TAFA1: variants seen among roughly 807,000 people sequenced by gnomAD.
TAFA1 encodes the protein TAFA chemokine like family member 1, also known as chemokine-like protein TAFA-1.
Under a neutral mutation model 18.5 loss-of-function variants are expected in TAFA1, and 4 were observed. That is an observed-to-expected ratio of 0.22 (90% CI 0.11 to 0.49). The LOEUF (loss-of-function observed/expected upper bound fraction) is 0.49, where lower values mean the gene tolerates loss of function less well. Ranked by LOEUF, TAFA1 falls within the 20% of genes least tolerant of loss-of-function variation. TAFA1 has a pLI of 0.98. For missense variants in TAFA1, 147 were observed against 169.0 expected (o/e 0.87, Z 0.72); for synonymous variants, 56 against 55.2 (o/e 1.01, Z -0.06).
chr3:68,381,510 G>C (rs1322988940), intron 2 of TAFA1, among the ~76,000 whole-genome samples: 1 of 152,116 alleles, frequency 6.6e-6, no homozygotes, highest in Non-Finnish European at 1.5e-5. Flanking sequence ...GGATTCGCAG[G>C]TATTTTATTC....
chr3:68,346,906 C>G (rs1036409684), intron 2 of TAFA1, among the ~76,000 whole-genome samples: 1 of 152,106 alleles, frequency 6.6e-6, no homozygotes, highest in Admixed American at 6.6e-5. Context: ...CTGATAGAAA[C>G]AGTATCATGA....
chr3:68,516,905 C>T (rs1389672027), intron 3 of TAFA1, among the ~76,000 whole-genome samples: 1 of 152,108 alleles, frequency 6.6e-6, no homozygotes, highest in Non-Finnish European at 1.5e-5. Flanking sequence ...TCCCGAGTAG[C>T]TGGGACTACA....
At chr3:68,317,669 A>G (rs1423814224) in intron 2 of TAFA1, among the ~76,000 whole-genome samples, 6 of 152,204 alleles carry the variant, frequency 3.9e-5, no homozygotes, top group Admixed American at 1.3e-4. Flanking sequence ...TGATTACAGG[A>G]CCAGCTACAT....
At chr3:68,478,343 G>C (rs1220327845) in intron 3 of TAFA1, among the ~76,000 whole-genome samples, 1 of 152,148 alleles carries the variant, frequency 6.6e-6, no homozygotes, top group Non-Finnish European at 1.5e-5. Flanking sequence ...CTAAATGAGA[G>C]ATCTGGAAGA....
intron 2 of TAFA1, among the ~76,000 whole-genome samples, chr3:68,050,129 A>G (rs901094192): frequency 6.6e-6 from 1 of 152,160 alleles, no homozygotes. Context: ...CTGAAACAAG[A>G]ATTCAACTAT....
intron 2 of TAFA1, among the ~76,000 whole-genome samples, chr3:68,133,744 C>G (rs2065571675): frequency 6.6e-6 from 1 of 151,918 alleles, no homozygotes; most frequent in African/African-American, 2.4e-5. Flanking sequence ...GGCAAACAAC[C>G]AAGCTGCCCT....
At chr3:68,339,545 AG>A (rs2069044534) in intron 2 of TAFA1, among the ~76,000 whole-genome samples, 2 of 152,236 alleles carry the variant, frequency 1.3e-5, no homozygotes, top group African/African-American at 4.8e-5. Flanking sequence ...GTATTGAAAA[AG>A]TTTATTAAAA....
intron 2 of TAFA1, among the ~76,000 whole-genome samples, chr3:68,180,384 G>A (rs569873542): frequency 3.9e-4 from 59 of 152,168 alleles, no homozygotes; most frequent in Non-Finnish European, 5.6e-4. Flanking sequence ...TGGGTTTTCA[G>A]ATTGTGAGCT....
intron 2 of TAFA1, among the ~76,000 whole-genome samples, chr3:68,144,610 T>C (rs545811419): frequency 1.3e-5 from 2 of 152,354 alleles, no homozygotes; most frequent in East Asian, 3.9e-4. Flanking sequence ...CATTGGCTAC[T>C]TATGTAGGGT....
chr3:68,068,885 T>C (rs2064717117), intron 2 of TAFA1, among the ~76,000 whole-genome samples: 1 of 152,220 alleles, frequency 6.6e-6, no homozygotes, highest in East Asian at 1.9e-4. Flanking sequence ...GTCCCATACA[T>C]GCATTATCTG....
chr3:68,356,712 T>C (rs1381073794), intron 2 of TAFA1, among the ~76,000 whole-genome samples: 1 of 151,944 alleles, frequency 6.6e-6, no homozygotes, highest in African/African-American at 2.4e-5. Flanking sequence ...CAAATGCAGC[T>C]TCTTTTGACT....
At chr3:68,351,204 T>C (rs889600458) in intron 2 of TAFA1, among the ~76,000 whole-genome samples, 1 of 152,126 alleles carries the variant, frequency 6.6e-6, no homozygotes, top group Non-Finnish European at 1.5e-5. Flanking sequence ...ACAGCAGCAC[T>C]AGAGCAATGG....
intron 3 of TAFA1, among the ~76,000 whole-genome samples, chr3:68,520,363 T>C (rs1463692679): frequency 6.6e-6 from 1 of 152,214 alleles, no homozygotes; most frequent in Non-Finnish European, 1.5e-5. Flanking sequence ...TTTTCTTTAG[T>C]TGCTATTTTT....
chr3:68,269,106 G>A (rs1032377), intron 2 of TAFA1, among the ~76,000 whole-genome samples: 16 of 151,894 alleles, frequency 1.1e-4, no homozygotes, highest in Non-Finnish European at 1.9e-4. Context: ...ACTGTTTGAG[G>A]CTAATTCTCC....
intron 2 of TAFA1, among the ~76,000 whole-genome samples, chr3:68,084,812 A>G (rs1190289350): frequency 1.3e-5 from 2 of 151,224 alleles, no homozygotes; most frequent in African/African-American, 4.9e-5. Context: ...AAAAAAAAAA[A>G]CCAAAAAAAC....
chr3:68,320,721 T>C (rs533163755), intron 2 of TAFA1, among the ~76,000 whole-genome samples: 2 of 152,186 alleles, frequency 1.3e-5, no homozygotes, highest in African/African-American at 2.4e-5. Flanking sequence ...AGTTTCCTGA[T>C]GAAAACCATG....
chr3:68,045,455 T>C (rs1321654094), intron 2 of TAFA1, among the ~76,000 whole-genome samples: 3 of 152,188 alleles, frequency 2.0e-5, no homozygotes, highest in African/African-American at 4.8e-5. Flanking sequence ...GTTAGTATTA[T>C]AGAAAATTAG....
At chr3:68,140,849 C>T (rs550120923) in intron 2 of TAFA1, among the ~76,000 whole-genome samples, 2 of 152,302 alleles carry the variant, frequency 1.3e-5, no homozygotes, top group East Asian at 1.9e-4. Context: ...CCTTCAAAAT[C>T]TTGGCATTTA....
intron 2 of TAFA1, among the ~76,000 whole-genome samples, chr3:68,048,144 A>G (rs889684603): frequency 6.6e-6 from 1 of 152,134 alleles, no homozygotes; most frequent in African/African-American, 2.4e-5. Flanking sequence ...TGTTTCTGAC[A>G]AGTGGAAACA....
Sources: gnomAD v4.1 joint callset for allele counts (sites outside exome capture counted in the v4.1 genomes callset) on GRCh38, gnomAD v4.1.1 for gene constraint, MANE v1.5 for transcripts, NCBI Gene and HGNC (gene_info 2026-07-23, HGNC 2026-07-21) for gene names.